Variants in SLC13A5 observed in about 807,000 individuals in gnomAD.
SLC13A5 encodes Na(+)/citrate cotransporter.
A neutral mutation model predicts 56.5 loss-of-function variants in SLC13A5; 25 were observed. The observed-to-expected ratio is 0.44, with a 90% CI of 0.32 to 0.62. The LOEUF (loss-of-function observed/expected upper bound fraction) is 0.62. SLC13A5 is among the 20% of genes least tolerant of loss of function. SLC13A5 has a pLI of 0.04. For missense variants in SLC13A5, 649 were observed against 737.8 expected (o/e 0.88, Z 1.39); for synonymous variants, 307 against 301.5 (o/e 1.02, Z -0.19).
At chr17:6,704,340 G>A (rs903613754) in intron 3 of SLC13A5, 11 of 562,824 alleles carry the variant, frequency 2.0e-5, no homozygotes, top group African/African-American at 3.7e-5. Context: ...AGATCCAGTC[G>A]TGGTTCTAAG....
At position 6,706,069 on chromosome 17, in the gene SLC13A5, A is replaced by T. The variant is rs182282293; in HGVS notation, c.368+573T>A. ...ACTCAATATACCCATTATGATCATGATTGATTATGGTTATGATTATGATTA... is the reference window on the plus strand; with the variant it reads ...ACTCAATATACCCATTATGATCATGTTTGATTATGGTTATGATTATGATTA... On this transcript the variant is annotated intron_variant, in intron 3 of 11. Coordinates refer to ENST00000433363, the MANE Select transcript of SLC13A5 (RefSeq NM_177550.5). Among the ~76,000 whole-genome samples the T allele has an allele frequency of 3.0e-3, 464 of 152,204 alleles. 2 individuals are homozygous for T. The highest frequency in any genetic ancestry group is 0.01 in the African/African-American group (431 of 41,528).
chr17:6,711,624 TTGTGTTTGTGCGTGTGTTTTGTGTGTGTC>T lies in SLC13A5; in HGVS notation c.102+1579_102+1607del, dbSNP rs1974036150. Among the ~76,000 whole-genome samples the T allele has an allele frequency of 2.7e-5, 4 of 149,484 alleles. No homozygotes were observed. Among genetic ancestry groups the T allele is most frequent in the Admixed American group, 2.0e-4 (3 of 15,036 alleles). ...TTTGTGCGTGTGTTTTTGTGTGTGT[TTGTGTTTGTGCGTGTGTTTTGTGTGTGTC>T]TGTGTGTTTGTGTGTGTGTCTGTGT... On this transcript the variant is annotated intron_variant, in intron 1 of 11. Transcript: ENST00000433363. This position sits in a 1 kb window ranked among gnomAD's most constrained non-coding sequence, Gnocchi z 4.0.
chr17:6,702,892 G>A (rs1973750865), intron 5 of SLC13A5, 78 bp downstream of exon 5: 1 of 1,533,766 alleles, frequency 6.5e-7, no homozygotes, highest in African/African-American at 1.4e-5. Flanking sequence ...CTCTGCAGAG[G>A]AGCAGAGAGA....
rs889180340 is a variant in SLC13A5, at chr17:6,708,296, C to T, written c.103-1140G>A. Among the ~76,000 whole-genome samples, 6 of 152,192 alleles carry T rather than the reference C, an allele frequency of 3.9e-5. No individual in the cohort carries two copies. In the South Asian group the frequency reaches 1.0e-3, roughly 26 times the overall value. ...GAGTTCCTTCTTAGATGTCTCCCTG[C>T]GCCTCTTCTATAGTCTGGTTTGTGC... On this transcript the variant is annotated intron_variant, in intron 1 of 11. Coordinates refer to ENST00000433363, the MANE Select transcript of SLC13A5 (RefSeq NM_177550.5).
At chr17:6,702,752 A>G (rs980661208) in intron 5 of SLC13A5, among the ~76,000 whole-genome samples, 20 of 151,940 alleles carry the variant, frequency 1.3e-4, no homozygotes, top group African/African-American at 4.3e-4. Flanking sequence ...CCCTGACATC[A>G]GCTCCCTATC....
At chr17:6,690,215 G>A (rs1025972635) in intron 10 of SLC13A5, 1 of 156,822 alleles carries the variant, frequency 6.4e-6, no homozygotes, top group Non-Finnish European at 1.4e-5. Context: ...ACAACCGACA[G>A]CTACCTCTCT....
intron 1 of SLC13A5, among the ~76,000 whole-genome samples, chr17:6,707,525 G>T (rs1199185760): frequency 6.6e-6 from 1 of 152,118 alleles, no homozygotes. Context: ...GGAGGAGGAG[G>T]GGATAGAAGA....
At chr17:6,686,413 GCTCACTGGGC>G in intron 11 of SLC13A5, 75 bp from the exon 12 acceptor site, 1 of 1,585,990 alleles carries the variant, frequency 6.3e-7, no homozygotes, top group South Asian at 1.1e-5. Context: ...CAAAGGGTCG[GCTCACTGGGC>G]CTCGATGTCC....
Position 6,687,791 on chromosome 17 carries a change from T to C in SLC13A5, c.1438-125A>G. The stretch of plus-strand genomic sequence containing the variant: ...ACCTCTGTGCCTCAGTCTTGGTTCC[T>C]CTCCCTTTTGCCACGTCTCTGGCAG... On this transcript the variant is annotated intron_variant, in intron 10 of 11. Coordinates refer to ENST00000433363, the MANE Select transcript of SLC13A5 (RefSeq NM_177550.5). The surrounding 1 kb of genome is among the most constrained non-coding windows in gnomAD (Gnocchi z 5.0). 1 of 1,238,096 alleles carries C rather than the reference T, an allele frequency of 8.1e-7. No homozygotes were observed. The highest frequency in any genetic ancestry group is 1.1e-6 in the Non-Finnish European group (1 of 940,072). 76.7% of individuals were successfully genotyped at this position (1,238,096 alleles called of 1,614,324 possible).
At position 6,701,377 on chromosome 17, in the gene SLC13A5, C is replaced by T. The variant is rs766875633; in HGVS notation, c.717-251G>A. Among the ~76,000 whole-genome samples, 2 of 152,210 alleles carry T rather than the reference C, an allele frequency of 1.3e-5. No homozygotes were observed. The highest frequency in any genetic ancestry group is 2.9e-5 in the Non-Finnish European group (2 of 68,042). ...GACTCTTCTGTGTGTCCAGGCCTTG[C>T]TAAGAGTCTCATGGAAGTTATGGCC... On this transcript the variant is annotated intron_variant, in intron 5 of 11. Coordinates refer to ENST00000433363, the MANE Select transcript of SLC13A5 (RefSeq NM_177550.5). This position sits in a 1 kb window ranked among gnomAD's most constrained non-coding sequence, Gnocchi z 4.1.
intron 6 of SLC13A5, among the ~76,000 whole-genome samples, 166 bp downstream of exon 6, chr17:6,700,838 G>A (rs1207857109): frequency 6.6e-6 from 1 of 152,182 alleles, no homozygotes; most frequent in Non-Finnish European, 1.5e-5. Context: ...TCAGTGAGCA[G>A]CCTGGGTTCG....
Position 6,694,191 on chromosome 17 carries a change from G to A in SLC13A5, c.1062C>T (p.Val354=), listed in dbSNP as rs908065981. Reference sequence around the variant, plus strand: ...CAAAGATGGCCACAGTGGCATCGGAGACATACCTAGGTGGGGAAAAGCACA... The same window carrying A: ...CAAAGATGGCCACAGTGGCATCGGAAACATACCTAGGTGGGGAAAAGCACA... ...VAWVEGETKY[V]SDATVAIFVA... is the part of the protein sequence containing the mutation. The change falls in exon 8 of 12, where the codon GTC becomes GTT. Residue 354 remains valine, a synonymous_variant. Coordinates refer to ENST00000433363, the MANE Select transcript of SLC13A5 (RefSeq NM_177550.5). The A allele has an allele frequency of 3.1e-6, 5 of 1,606,432 alleles. No homozygotes were observed. In the African/African-American group the frequency reaches 6.7e-5, roughly 21 times the overall value.
At chr17:6,699,097 A>G (rs966982656) in intron 6 of SLC13A5, among the ~76,000 whole-genome samples, 2 of 150,550 alleles carry the variant, frequency 1.3e-5, no homozygotes, top group Admixed American at 6.6e-5. Context: ...ATAAAATAAA[A>G]TAAAATAAAA....
Position 6,693,179 on chromosome 17 carries a change from ACAC to A in SLC13A5, c.1157-20_1157-18del, listed in dbSNP as rs762736071. 9.6e-6 allele frequency: 1 copy of A among 104,214 alleles called. No homozygotes were observed. The allele number at this position is 104,214 out of a possible 1,614,324, so 6.5% of individuals were successfully genotyped here. A position where few individuals can be genotyped will look rare whatever the true frequency, so the allele number is the denominator to read the frequency against. On this transcript the variant is annotated intron_variant, in intron 8 of 11. Coordinates refer to ENST00000433363, the MANE Select transcript of SLC13A5 (RefSeq NM_177550.5). ...TTTTCCTTTCTGGGAAGAAAAAGAA[ACAC>A]ACACACACACACACACACACACACA...
In SLC13A5 at chr17:6,701,264, C is replaced by A. The variant is rs915705624; in HGVS notation, c.717-138G>T. On this transcript the variant is annotated intron_variant, in intron 5 of 11. Coordinates refer to ENST00000433363, the MANE Select transcript of SLC13A5 (RefSeq NM_177550.5). This position sits in a 1 kb window ranked among gnomAD's most constrained non-coding sequence, Gnocchi z 4.1. The stretch of plus-strand genomic sequence containing the variant: ...CCACATCCTCCTGAGGTCTAGCCAC[C>A]AAGTCCATTGCCAAGCATTGTCCCC... 3 of 1,214,184 alleles carry A rather than the reference C, an allele frequency of 2.5e-6. No homozygotes were observed. Among genetic ancestry groups the A allele is most frequent in the Admixed American group, 4.8e-5 (2 of 41,666 alleles). 75.2% of individuals were successfully genotyped at this position (1,214,184 alleles called of 1,614,324 possible).
chr17:6,705,426 C>G (rs1182320986), intron 3 of SLC13A5: 1 of 152,070 alleles, frequency 6.6e-6, no homozygotes. Flanking sequence ...AGAATGAAAC[C>G]CACTGGAGTG....
chr17:6,713,107 G>T lies in SLC13A5; in HGVS notation c.102+125C>A. The T allele has an allele frequency of 1.1e-6, 1 of 921,484 alleles. No individual in the cohort carries two copies. Among genetic ancestry groups the T allele is most frequent in the Non-Finnish European group, 1.6e-6 (1 of 606,104 alleles). The allele number at this position is 921,484 out of a possible 1,614,324, so 57.1% of individuals were successfully genotyped here. A position where few individuals can be genotyped will look rare whatever the true frequency, so the allele number is the denominator to read the frequency against. ...CGGCACCTGGAGCTCCTGAGTGCGC[G>T]CGCCCCGGGAGAGCTGTGCTCCCCG... On this transcript the variant is annotated intron_variant, in intron 1 of 11. Coordinates refer to ENST00000433363, the MANE Select transcript of SLC13A5 (RefSeq NM_177550.5). This position sits in a 1 kb window ranked among gnomAD's most constrained non-coding sequence, Gnocchi z 7.3.
In SLC13A5 at chr17:6,695,923, G is replaced by A. The variant is rs754297638; in HGVS notation, c.858C>T (p.Gly286=). The A allele has an allele frequency of 1.2e-6, 2 of 1,613,916 alleles. No homozygotes were observed. The highest frequency in any genetic ancestry group is 1.7e-6 in the Non-Finnish European group (2 of 1,180,018). Residue 286 remains glycine, a synonymous_variant, in exon 7 of 12, where the codon GGC becomes GGT. Transcript: ENST00000433363. ...YMRFNFKKSW[G]CGLESKKNEK... is the part of the protein sequence containing the mutation. ...CGTTTTTCTTGCTCTCTAGCCCGCAGCCCCAGGACTTTTTAAAACTGGAGA... is the reference window on the plus strand; with the variant it reads ...CGTTTTTCTTGCTCTCTAGCCCGCAACCCCAGGACTTTTTAAAACTGGAGA...
intron 11 of SLC13A5, chr17:6,686,577 A>C: frequency 2.1e-6 from 1 of 475,860 alleles, no homozygotes; most frequent in Non-Finnish European, 3.8e-6. Context: ...GCATTTGGAA[A>C]ATGACCTCAG....
Sources: gnomAD v4.1 joint callset for allele counts (sites outside exome capture counted in the v4.1 genomes callset) on GRCh38, gnomAD v4.1.1 for gene constraint, Gnocchi (gnomAD v3.1) non-coding constraint, MANE v1.5 for transcripts, NCBI Gene and HGNC (gene_info 2026-07-23, HGNC 2026-07-21) for gene names.